Variants in ALPK1 observed in about 807,000 individuals in gnomAD.
ALPK1 encodes the protein alpha-protein kinase 1.
A neutral mutation model predicts 120.6 loss-of-function variants in ALPK1; 110 were observed. The ratio of observed to expected loss-of-function variants is 0.91; its 90% confidence interval spans 0.78 to 1.07. The LOEUF is 1.07. Ranked by LOEUF, ALPK1 falls within the 50% of genes least tolerant of loss-of-function variation. The pLI, the probability that ALPK1 is intolerant of heterozygous loss-of-function variation, is 0.00. For synonymous variants in ALPK1, 582 were observed against 560.3 expected, an observed-to-expected ratio of 1.04 and a Z score of -0.55; for missense variants, 1,498 against 1,483.9, an observed-to-expected ratio of 1.01 and a Z score of -0.16.
intron 4 of ALPK1, among the ~76,000 whole-genome samples, chr4:112,397,669 C>G (rs1011947602): frequency 5.9e-5 from 9 of 152,164 alleles, no homozygotes; most frequent in African/African-American, 2.2e-4. Context: ...AAGGCCATAC[C>G]TTTGCCTAAT....
At chr4:112,332,589 G>A (rs956122629) in intron 2 of ALPK1, among the ~76,000 whole-genome samples, 5 of 152,216 alleles carry the variant, frequency 3.3e-5, no homozygotes, top group Non-Finnish European at 7.3e-5. Flanking sequence ...CTGAATACTA[G>A]GTTATGACAC....
intron 5 of ALPK1, among the ~76,000 whole-genome samples, chr4:112,421,410 A>C (rs956386368): frequency 6.6e-6 from 1 of 152,188 alleles, no homozygotes. Flanking sequence ...CTGAGGTCTT[A>C]ACAAAGTGTT....
chr4:112,429,109 T>G (rs1560684633), intron 9 of ALPK1, 40 bp from the exon 10 acceptor site: 1 of 1,560,510 alleles, frequency 6.4e-7, no homozygotes, highest in Non-Finnish European at 8.8e-7. Context: ...CATCGATAAT[T>G]AATTATCACC....
At chr4:112,350,421 G>A (rs1730302850) in intron 2 of ALPK1, among the ~76,000 whole-genome samples, 1 of 152,044 alleles carries the variant, frequency 6.6e-6, no homozygotes, top group African/African-American at 2.4e-5. Flanking sequence ...ACCAACATCG[G>A]GACCCTCCCT....
At chr4:112,373,270 C>T (rs886240455) in intron 2 of ALPK1, among the ~76,000 whole-genome samples, 16 of 152,184 alleles carry the variant, frequency 1.1e-4, no homozygotes, top group Non-Finnish European at 1.9e-4. Flanking sequence ...CTTTTATCAG[C>T]TCACTGCGGT....
intron 2 of ALPK1, among the ~76,000 whole-genome samples, chr4:112,329,226 C>T (rs941646167): frequency 1.3e-5 from 2 of 152,124 alleles, no homozygotes; most frequent in Admixed American, 6.6e-5. Context: ...AATCCAAGCA[C>T]TTACGGAGAA....
At chr4:112,395,176 T>C (rs1170153498) in intron 4 of ALPK1, among the ~76,000 whole-genome samples, 3 of 152,206 alleles carry the variant, frequency 2.0e-5, no homozygotes, top group Non-Finnish European at 4.4e-5. Flanking sequence ...TATACCCATA[T>C]TGCAGATGAG....
At chr4:112,304,749 G>A (rs1451708173) in intron 1 of ALPK1, among the ~76,000 whole-genome samples, 2 of 152,038 alleles carry the variant, frequency 1.3e-5, no homozygotes, top group African/African-American at 4.8e-5. Context: ...AAGCTCTTTA[G>A]TTTAATTAGA....
rs371397412 is a variant in ALPK1 at position 112,368,869 on chromosome 4, C to G, written c.-100-8809C>G. On this transcript the variant is annotated intron_variant, in intron 2 of 15. Coordinates refer to ENST00000650871, the MANE Select transcript of ALPK1 (RefSeq NM_025144.4). ...GTTTTATGCATGGGGTGTGCAGTCT[C>G]CACTTAAATTCCTACCTCAGTTAAG... Among the ~76,000 whole-genome samples the G allele has an allele frequency of 3.3e-5, 5 of 152,122 alleles. No homozygotes were observed. In the East Asian group the frequency reaches 9.6e-4, roughly 29 times the overall value.
intron 4 of ALPK1, among the ~76,000 whole-genome samples, chr4:112,408,334 G>A (rs1425552255): frequency 6.6e-6 from 1 of 152,140 alleles, no homozygotes; most frequent in Non-Finnish European, 1.5e-5. Context: ...CAAAACAAAG[G>A]ACTATATCTA....
chr4:112,357,626 C>T (rs912671378), intron 2 of ALPK1: 4 of 1,607,690 alleles, frequency 2.5e-6, no homozygotes, highest in Non-Finnish European at 3.4e-6. Context: ...CTGGAGAACC[C>T]ACACATCATC....
intron 2 of ALPK1, among the ~76,000 whole-genome samples, chr4:112,368,774 T>A (rs915868913): frequency 6.6e-6 from 1 of 152,080 alleles, no homozygotes; most frequent in African/African-American, 2.4e-5. Flanking sequence ...TCCTGGGAGG[T>A]GAGGGGAGAG....
At chr4:112,406,477 G>T (rs1229747995) in intron 4 of ALPK1, among the ~76,000 whole-genome samples, 1 of 152,150 alleles carries the variant, frequency 6.6e-6, no homozygotes, top group Non-Finnish European at 1.5e-5. Context: ...CCAAAGTAAG[G>T]CATTTTGGCA....
chr4:112,372,426 G>A (rs183659535), intron 2 of ALPK1, among the ~76,000 whole-genome samples: 15 of 152,100 alleles, frequency 9.9e-5, no homozygotes, highest in Admixed American at 9.8e-4. Context: ...AGCCAGGATG[G>A]TCTCAATCTC....
At chr4:112,350,801 G>A (rs542250003) in intron 2 of ALPK1, among the ~76,000 whole-genome samples, 2 of 152,266 alleles carry the variant, frequency 1.3e-5, no homozygotes, top group African/African-American at 4.8e-5. Flanking sequence ...CTGCCTCTCA[G>A]AGAATACATC....
chr4:112,336,926 T>G (rs2882660), intron 2 of ALPK1, among the ~76,000 whole-genome samples: 111,356 of 152,004 alleles, frequency 0.73, 41,113 homozygotes, highest in East Asian at 0.92. Flanking sequence ...ACTAGAAATT[T>G]TTTTTTTCTT....
At chr4:112,310,388 C>T (rs552488648) in intron 1 of ALPK1, among the ~76,000 whole-genome samples, 1 of 152,206 alleles carries the variant, frequency 6.6e-6, no homozygotes, top group South Asian at 2.1e-4. Context: ...AACAAAACAA[C>T]ACACCCTGAA....
chr4:112,415,240 C>T (rs1397420387), intron 5 of ALPK1: 1 of 152,158 alleles, frequency 6.6e-6, no homozygotes, highest in East Asian at 1.9e-4. Flanking sequence ...TTCTGGGCCC[C>T]AGGAGATCAA....
intron 2 of ALPK1, among the ~76,000 whole-genome samples, chr4:112,330,162 G>C (rs1218380025): frequency 6.6e-6 from 1 of 152,180 alleles, no homozygotes; most frequent in Non-Finnish European, 1.5e-5. Context: ...TGAGCTTCCA[G>C]ACAACCAAGT....
Sources: gnomAD v4.1 joint callset for allele counts (sites outside exome capture counted in the v4.1 genomes callset) on GRCh38, gnomAD v4.1.1 for gene constraint, MANE v1.5 for transcripts, NCBI Gene and HGNC (gene_info 2026-07-23, HGNC 2026-07-21) for gene names.